Variants in DLGAP2 observed in about 807,000 individuals in gnomAD.
DLGAP2 encodes disks large-associated protein 2.
DLGAP2 carries 26 observed loss-of-function variants against 100.3 expected under a neutral mutation model. The ratio of observed to expected loss-of-function variants is 0.26; its 90% CI spans 0.19 to 0.36. The LOEUF (loss-of-function observed/expected upper bound fraction) is 0.36, where lower values mean the gene tolerates loss of function less well. Ranked by LOEUF, DLGAP2 falls within the 10% of genes least tolerant of loss-of-function variation. The pLI is 1.00. For synonymous variants in DLGAP2, 886 were observed against 630.1 expected, an observed-to-expected ratio of 1.41 and a Z score of -6.08; for missense variants, 1,858 against 1,453.2, an observed-to-expected ratio of 1.28 and a Z score of -4.53.
chr8:876,127 A>T (rs1474358050), intron 1 of DLGAP2, among the ~76,000 whole-genome samples: 2 of 152,190 alleles, frequency 1.3e-5, no homozygotes, highest in East Asian at 1.9e-4. Flanking sequence ...AAGCTTTTTC[A>T]TATGTATTAT....
At chr8:1,435,855 AGTGCTT>A (rs1041871683) in intron 3 of DLGAP2, among the ~76,000 whole-genome samples, 7 of 151,982 alleles carry the variant, frequency 4.6e-5, no homozygotes, top group Non-Finnish European at 1.0e-4. Flanking sequence ...TTTGGGTCTT[AGTGCTT>A]AACAAGAGAG....
chr8:873,781 G>A lies in DLGAP2; in HGVS notation c.19-34131G>A, dbSNP rs542786675. Among the ~76,000 whole-genome samples, 5 of 152,264 alleles carry A rather than the reference G, an allele frequency of 3.3e-5. No individual in the cohort carries two copies. In the South Asian group the frequency reaches 1.0e-3, roughly 32 times the overall value. ...TGTTCTTTAAATAGATATAAAGAAA[G>A]TTTGTTTTGTGGCTTAGTTAAGGTT... On this transcript the variant is annotated intron_variant, in intron 1 of 14. Coordinates refer to ENST00000637795, the MANE Select transcript of DLGAP2 (RefSeq NM_001346810.2).
chr8:1,486,847 A>G (rs1268578394), intron 3 of DLGAP2, among the ~76,000 whole-genome samples: 1 of 152,196 alleles, frequency 6.6e-6, no homozygotes, highest in Non-Finnish European at 1.5e-5. Context: ...TGCTAATCTC[A>G]AGAAGCACCA....
intron 3 of DLGAP2, among the ~76,000 whole-genome samples, chr8:1,336,028 ACT>A (rs1234686581): frequency 2.0e-5 from 3 of 151,534 alleles, no homozygotes; most frequent in Non-Finnish European, 4.4e-5. Flanking sequence ...ATATAAAGAA[ACT>A]CTGAGCGGTG....
chr8:1,324,038 G>A lies in DLGAP2; in HGVS notation c.106+65155G>A, dbSNP rs1043354016. ...CATCTGGCAACTGAAGTGTGCGTCT[G>A]GTCTGCTGTGATATCCAACCGGAAA... On this transcript the variant is annotated intron_variant, in intron 3 of 14. Coordinates refer to ENST00000637795, the MANE Select transcript of DLGAP2 (RefSeq NM_001346810.2). Among the ~76,000 whole-genome samples, 4 of 152,160 alleles carry A rather than the reference G, an allele frequency of 2.6e-5. 1 individual carries two copies. Among genetic ancestry groups the A allele is most frequent in the African/African-American group, 7.2e-5 (3 of 41,438 alleles).
intron 2 of DLGAP2, among the ~76,000 whole-genome samples, chr8:918,497 G>T (rs1352350854): frequency 6.6e-6 from 1 of 152,200 alleles, no homozygotes; most frequent in Non-Finnish European, 1.5e-5. Flanking sequence ...AGTGAGACAG[G>T]CACGGCTGTG....
rs576752734 is a variant in DLGAP2, at chr8:1,047,989, A to G, written c.73+140023A>G. The stretch of plus-strand genomic sequence containing the variant: ...TCTTTCTTTTATGTTTGAAAACCTT[A>G]GACCGTTAAGGCCTGCAAGGGTGCG... On this transcript the variant is annotated intron_variant, in intron 2 of 14. Coordinates refer to ENST00000637795, the MANE Select transcript of DLGAP2 (RefSeq NM_001346810.2). 4.6e-5 allele frequency among the ~76,000 whole-genome samples: 7 copies of G among 152,262 alleles called. No homozygotes were observed. In the South Asian group the frequency reaches 1.5e-3, roughly 32 times the overall value.
At chr8:1,507,193 G>C (rs901624711) in intron 4 of DLGAP2, among the ~76,000 whole-genome samples, 2 of 152,218 alleles carry the variant, frequency 1.3e-5, no homozygotes, top group Non-Finnish European at 2.9e-5. Flanking sequence ...GGGACCGGGC[G>C]CCGCGGAGCA....
rs1013764148 is a variant in DLGAP2, at chr8:1,179,066, A to G, written c.74-79785A>G. Among the ~76,000 whole-genome samples the G allele has an allele frequency of 2.6e-5, 4 of 152,254 alleles. No individual in the cohort carries two copies. The East Asian group carries it at 5.8e-4, about 22-fold the overall frequency. On this transcript the variant is annotated intron_variant, in intron 2 of 14. Transcript: ENST00000637795. Reference sequence around the variant, plus strand: ...GGTTGAGTTTTAAGAGCATGTGCACACTTAAACAGGCTTTAAAAGAAGCAT... The same window carrying G: ...GGTTGAGTTTTAAGAGCATGTGCACGCTTAAACAGGCTTTAAAAGAAGCAT...
At chr8:1,347,232 C>G (rs886900869) in intron 3 of DLGAP2, among the ~76,000 whole-genome samples, 2 of 151,260 alleles carry the variant, frequency 1.3e-5, no homozygotes, top group Non-Finnish European at 2.9e-5. Flanking sequence ...CTGCATTGCT[C>G]TAATGGTGGC....
At position 1,417,165 on chromosome 8, in the gene DLGAP2, A is replaced by AGACCGTCTG. The variant is rs1563133726; in HGVS notation, c.107-84201_107-84200insGACCGTCTG. On this transcript the variant is annotated intron_variant, in intron 3 of 14. Coordinates refer to ENST00000637795, the MANE Select transcript of DLGAP2 (RefSeq NM_001346810.2). ...GCGGGGGAGACTCTGAGTGAAGGGG[A>AGACCGTCTG]AGCCCCCGTTCATTTAGTGTCTGAG... 3.5e-4 allele frequency among the ~76,000 whole-genome samples: 29 copies of AGACCGTCTG among 83,366 alleles called. 3 individuals are homozygous for AGACCGTCTG. Among genetic ancestry groups the AGACCGTCTG allele is most frequent in the African/African-American group, 1.4e-3 (21 of 15,378 alleles). The allele number at this position is 83,366 out of a possible 152,430, so 54.7% of individuals were successfully genotyped here. A position where few individuals can be genotyped will look rare whatever the true frequency, so the allele number is the denominator to read the frequency against.
chr8:749,715 G>A (rs1254516832), intron 1 of DLGAP2, among the ~76,000 whole-genome samples: 1 of 152,102 alleles, frequency 6.6e-6, no homozygotes, highest in Non-Finnish European at 1.5e-5. Flanking sequence ...ATTGATTAAT[G>A]GGTGTGTTTA....
chr8:894,381 G>A (rs1442953670), intron 1 of DLGAP2, among the ~76,000 whole-genome samples: 2 of 152,074 alleles, frequency 1.3e-5, no homozygotes, highest in East Asian at 1.9e-4. Context: ...ATCTACCTGC[G>A]TGCCCAGGAG....
chr8:1,284,448 G>A (rs1799881904), intron 3 of DLGAP2, among the ~76,000 whole-genome samples: 1 of 152,084 alleles, frequency 6.6e-6, no homozygotes, highest in African/African-American at 2.4e-5. Context: ...ACCGTCACCT[G>A]GGCTCCAGCG....
intron 1 of DLGAP2, among the ~76,000 whole-genome samples, chr8:863,737 C>T (rs926387690): frequency 7.2e-5 from 11 of 152,260 alleles, no homozygotes; most frequent in East Asian, 5.8e-4. Context: ...GATGCCAGTG[C>T]GGATGTGGAG....
At chr8:1,328,974 C>T (rs913921869) in intron 3 of DLGAP2, among the ~76,000 whole-genome samples, 1 of 152,204 alleles carries the variant, frequency 6.6e-6, no homozygotes, top group African/African-American at 2.4e-5. Flanking sequence ...ATGAATTATG[C>T]GTGGAAGGCA....
intron 3 of DLGAP2, among the ~76,000 whole-genome samples, chr8:1,444,315 G>C (rs1005840388): frequency 6.6e-6 from 1 of 152,152 alleles, no homozygotes; most frequent in African/African-American, 2.4e-5. Context: ...ATATTAATGG[G>C]CACTTACACG....
At chr8:875,075 G>C (rs1275533540) in intron 1 of DLGAP2, among the ~76,000 whole-genome samples, 2 of 152,104 alleles carry the variant, frequency 1.3e-5, no homozygotes. Context: ...TAGCTTTCTT[G>C]TGATTGCTGT....
chr8:1,324,766 G>A (rs1800982590), intron 3 of DLGAP2, among the ~76,000 whole-genome samples: 1 of 152,192 alleles, frequency 6.6e-6, no homozygotes, highest in Non-Finnish European at 1.5e-5. Flanking sequence ...CCATGTTCCT[G>A]TCTTTCTTCC....
Sources: allele counts gnomAD v4.1 joint callset (sites outside exome capture counted in the v4.1 genomes callset), GRCh38; gene constraint gnomAD v4.1.1; transcripts MANE v1.5; gene names NCBI Gene and HGNC (gene_info 2026-07-23, HGNC 2026-07-21).